The following SEL1L2 variants were observed in gnomAD, a reference collection of about 807,000 sequenced individuals.
SEL1L2 encodes SEL1L2 adaptor subunit of SYVN1 ubiquitin ligase, also known as protein sel-1 homolog 2.
Under a neutral mutation model 98.8 loss-of-function variants are expected in SEL1L2, and 89 were observed. The observed-to-expected ratio is 0.90, with a 90% CI of 0.76 to 1.07. The LOEUF is 1.07. SEL1L2 is among the 50% of genes least tolerant of loss of function. The probability of loss-of-function intolerance (pLI) is 0.00; values close to 1 mark genes in which losing one functional copy is unlikely to be tolerated. For missense variants in SEL1L2, 788 were observed against 812.0 expected, an observed-to-expected ratio of 0.97 and a Z score of 0.36; for synonymous variants, 262 against 278.5, an observed-to-expected ratio of 0.94 and a Z score of 0.59.
At chr20:13,866,942 T>C in intron 14 of SEL1L2, 92 bp from the exon 15 acceptor site, 1 of 1,234,358 alleles carries the variant, frequency 8.1e-7, no homozygotes. Flanking sequence ...ATGCCTGCTA[T>C]TTAAATAGAA....
At chr20:13,875,982 C>T (rs749008733) in intron 12 of SEL1L2, 56 bp downstream of exon 12, 20 of 1,318,954 alleles carry the variant, frequency 1.5e-5, no homozygotes, top group African/African-American at 4.3e-5. Context: ...CACCAGTCTG[C>T]GTGTAATAAA....
In SEL1L2 at chr20:13,876,130, G is replaced by A; in HGVS notation, c.1027-15C>T. ...TCTAAATACATCTAGGAAGAAAAAT[G>A]AAAAGAGGATAGAAAAAACAAAATA... On this transcript the variant is annotated splice_polypyrimidine_tract_variant and intron_variant, in intron 11 of 19. Coordinates refer to ENST00000284951, the MANE Select transcript of SEL1L2 (RefSeq NM_025229.2). The A allele has an allele frequency of 6.3e-7, 1 of 1,590,550 alleles. No individual in the cohort carries two copies. Among genetic ancestry groups the A allele is most frequent in the East Asian group, 2.2e-5 (1 of 44,718 alleles).
intron 5 of SEL1L2, among the ~76,000 whole-genome samples, chr20:13,910,238 A>T (rs2048156658): frequency 6.6e-6 from 1 of 152,192 alleles, no homozygotes; most frequent in African/African-American, 2.4e-5. Context: ...GATCCCAAAG[A>T]CAATGCTGTT....
chr20:13,923,403 A>T (rs901699572), intron 3 of SEL1L2, among the ~76,000 whole-genome samples: 15 of 152,252 alleles, frequency 9.9e-5, no homozygotes, highest in Admixed American at 2.6e-4. Context: ...TCCTCAGTTT[A>T]TGTTGAAACT....
intron 10 of SEL1L2, among the ~76,000 whole-genome samples, chr20:13,883,723 T>C (rs2046817996): frequency 6.6e-6 from 1 of 152,216 alleles, no homozygotes; most frequent in African/African-American, 2.4e-5. Flanking sequence ...GTGACCACAG[T>C]GGCTGGAGCT....
intron 2 of SEL1L2, among the ~76,000 whole-genome samples, chr20:13,953,559 A>G (rs1004539182): frequency 1.3e-5 from 2 of 152,198 alleles, no homozygotes; most frequent in African/African-American, 2.4e-5. Context: ...AGAAACTCCA[A>G]CTGGGCTGCA....
intron 1 of SEL1L2, among the ~76,000 whole-genome samples, chr20:13,974,884 G>A (rs1341517201): frequency 6.6e-6 from 1 of 151,982 alleles, no homozygotes; most frequent in African/African-American, 2.4e-5. Context: ...TTTGTCTCTT[G>A]GGAATTCCTG....
chr20:13,914,255 A>G (rs2048314988), intron 4 of SEL1L2, among the ~76,000 whole-genome samples: 1 of 152,230 alleles, frequency 6.6e-6, no homozygotes, highest in Non-Finnish European at 1.5e-5. Context: ...TTATACACTG[A>G]GTAAAGTGAA....
intron 1 of SEL1L2, among the ~76,000 whole-genome samples, chr20:13,981,323 G>A (rs993255055): frequency 2.0e-5 from 3 of 152,110 alleles, no homozygotes; most frequent in Non-Finnish European, 4.4e-5. Context: ...GGGGAATGGG[G>A]AGAGGTTGGT....
At chr20:13,886,012 G>A (rs184563128) in intron 9 of SEL1L2, among the ~76,000 whole-genome samples, 44 of 151,872 alleles carry the variant, frequency 2.9e-4, no homozygotes, top group African/African-American at 9.2e-4. Context: ...ACTCCAGCCC[G>A]GGCGACAGAG....
chr20:13,896,517 C>CCCA (rs2047436488), intron 5 of SEL1L2, among the ~76,000 whole-genome samples: 1 of 147,718 alleles, frequency 6.8e-6, no homozygotes, highest in African/African-American at 2.5e-5. Flanking sequence ...CCCCCCCCCC[C>CCCA]CACACACAAA....
chr20:13,877,699 C>A (rs1440956193), intron 10 of SEL1L2, 111 bp from the exon 11 acceptor site: 5 of 787,396 alleles, frequency 6.4e-6, no homozygotes, highest in Non-Finnish European at 8.3e-6. Flanking sequence ...ATGGTGCTTG[C>A]CACTGAGCTT....
chr20:13,904,555 A>G (rs897006582), intron 5 of SEL1L2, among the ~76,000 whole-genome samples: 1 of 151,932 alleles, frequency 6.6e-6, no homozygotes, highest in African/African-American at 2.4e-5. Flanking sequence ...AAATATATAT[A>G]TATAAATAAA....
At chr20:13,882,812 CTTTTTTTTTT>C (rs759286946) in intron 10 of SEL1L2, among the ~76,000 whole-genome samples, 11,139 of 107,386 alleles carry the variant, frequency 0.1, 493 homozygotes, top group African/African-American at 0.13. Context: ...GTCAATTTGT[CTTTTTTTTTT>C]TTTTTTTTTT....
intron 12 of SEL1L2, among the ~76,000 whole-genome samples, chr20:13,870,531 T>A (rs901393506): frequency 5.3e-5 from 8 of 152,290 alleles, no homozygotes; most frequent in African/African-American, 1.7e-4. Flanking sequence ...GATCCCTGCC[T>A]TGAAGAGTTC....
chr20:13,975,897 G>A (rs759530510), intron 1 of SEL1L2, among the ~76,000 whole-genome samples: 112 of 152,238 alleles, frequency 7.4e-4, no homozygotes, highest in Non-Finnish European at 1.3e-3. Flanking sequence ...TATGTTGTCC[G>A]GGCTAGTCTT....
intron 2 of SEL1L2, among the ~76,000 whole-genome samples, chr20:13,948,230 A>G (rs961436970): frequency 1.3e-5 from 2 of 150,880 alleles, no homozygotes; most frequent in African/African-American, 2.5e-5. Flanking sequence ...AAAAATCCCA[A>G]TGGCTTTTTT....
intron 2 of SEL1L2, among the ~76,000 whole-genome samples, chr20:13,951,052 G>A (rs530957361): frequency 3.3e-5 from 5 of 151,796 alleles, no homozygotes; most frequent in African/African-American, 9.7e-5. Flanking sequence ...CGAGGCGTGC[G>A]GATCACAAGG....
At chr20:13,964,447 ATTTTTTTT>A in intron 1 of SEL1L2, among the ~76,000 whole-genome samples, 1 of 111,470 alleles carries the variant, frequency 9.0e-6, no homozygotes. Flanking sequence ...CTATCTCTTC[ATTTTTTTT>A]TTTTTTTTTT....
Sources: gnomAD v4.1 joint callset for allele counts (sites outside exome capture counted in the v4.1 genomes callset) on GRCh38, gnomAD v4.1.1 for gene constraint, MANE v1.5 for transcripts, NCBI Gene and HGNC (gene_info 2026-07-23, HGNC 2026-07-21) for gene names.